PCDHA8: variants seen among roughly 807,000 people sequenced by gnomAD.
PCDHA8 encodes protocadherin alpha 8, also known as protocadherin alpha-8.
A neutral mutation model predicts 61.8 loss-of-function variants in PCDHA8; 53 were observed. The observed-to-expected ratio is 0.86, with a 90% CI of 0.69 to 1.08. PCDHA8 has a LOEUF of 1.08. Ranked by LOEUF, PCDHA8 falls within the 50% of genes least tolerant of loss-of-function variation. The probability of loss-of-function intolerance (pLI) is 0.00; values close to 1 mark genes in which losing one functional copy is unlikely to be tolerated. For synonymous variants in PCDHA8, 618 were observed against 556.6 expected (o/e 1.11, Z -1.55); for missense variants, 1,293 against 1,245.0 (o/e 1.04, Z -0.58).
At chr5:140,879,136 T>C (rs1225791251) in intron 1 of PCDHA8, among the ~76,000 whole-genome samples, 4 of 152,206 alleles carry the variant, frequency 2.6e-5, no homozygotes, top group Admixed American at 2.6e-4. Flanking sequence ...GGGGAGATTG[T>C]GAAGGCAGGA....
rs1554146072 is a variant in PCDHA8 at position 140,852,730 on chromosome 5, T to G, written c.2394+9015T>G. On this transcript the variant is annotated intron_variant, in intron 1 of 3. Coordinates refer to ENST00000531613, the MANE Select transcript of PCDHA8 (RefSeq NM_018911.3). ...TTTGTCTTTGCACGTTTTTCAAGTT[T>G]CATGTGCCATTTAAACTTGGACCCA... 29 of 983,856 alleles carry G rather than the reference T, an allele frequency of 2.9e-5. 3 individuals carry two copies. The highest frequency in any genetic ancestry group is 3.6e-5 in the Non-Finnish European group (29 of 816,252). The allele number at this position is 983,856 out of a possible 1,614,324, so 60.9% of individuals were successfully genotyped here.
Position 140,883,846 on chromosome 5 carries a change from G to A in PCDHA8, c.2394+40131G>A, listed in dbSNP as rs782516685. On this transcript the variant is annotated intron_variant, in intron 1 of 3. Coordinates refer to ENST00000531613, the MANE Select transcript of PCDHA8 (RefSeq NM_018911.3). ...ACGCGCTGCAGCCGTTGGACCACGA[G>A]GAGCTGGAGCTGTTGCAGTTCCAGG... is the stretch of plus-strand genomic sequence containing the variant. The A allele has an allele frequency of 6.8e-6, 11 of 1,612,790 alleles. 1 individual carries two copies. In the Admixed American group the frequency reaches 1.7e-4, roughly 24 times the overall value.
intron 1 of PCDHA8, among the ~76,000 whole-genome samples, chr5:140,908,387 T>A (rs536105622): frequency 1.3e-5 from 2 of 152,230 alleles, no homozygotes; most frequent in Admixed American, 1.3e-4. Flanking sequence ...TCGAGCCCGA[T>A]CACATATATA....
At chr5:140,892,998 AT>A (rs2063775886) in intron 1 of PCDHA8, among the ~76,000 whole-genome samples, 1 of 152,170 alleles carries the variant, frequency 6.6e-6, no homozygotes, top group South Asian at 2.1e-4. Context: ...GAGAACATGT[AT>A]TTATTTTTCT....
At chr5:140,905,360 T>C (rs2071771480) in intron 1 of PCDHA8, among the ~76,000 whole-genome samples, 2 of 152,238 alleles carry the variant, frequency 1.3e-5, no homozygotes, top group Non-Finnish European at 2.9e-5. Context: ...TTTGACTATA[T>C]TTCTGGTTCT....
chr5:140,907,864 G>A (rs1033952784), intron 1 of PCDHA8, among the ~76,000 whole-genome samples: 3 of 152,202 alleles, frequency 2.0e-5, no homozygotes, highest in African/African-American at 7.2e-5. Context: ...GAGGCCAGCC[G>A]TTGGTGAGCA....
At position 140,856,500 on chromosome 5, in the gene PCDHA8, T is replaced by G. The variant is rs371158035; in HGVS notation, c.2394+12785T>G. 1.4e-5 allele frequency: 22 copies of G among 1,598,280 alleles called. 1 individual carries two copies. The African/African-American group carries it at 3.0e-4, about 22-fold the overall frequency. ...GAATCCAGACTGCTTGACTCTCGAT[T>G]TCCACTAGAAGGCGCATCTGATGCG... On this transcript the variant is annotated intron_variant, in intron 1 of 3. Transcript: ENST00000531613.
At chr5:140,857,293 G>A (rs1554149807) in intron 1 of PCDHA8, 1 of 1,598,774 alleles carries the variant, frequency 6.3e-7, no homozygotes, top group Admixed American at 1.7e-5. Flanking sequence ...TGGACCGCGA[G>A]AGGGTGTCGG....
intron 1 of PCDHA8, chr5:140,861,823 G>A (rs2047101556): frequency 1.3e-5 from 2 of 159,302 alleles, no homozygotes; most frequent in Non-Finnish European, 2.7e-5. Flanking sequence ...TTTCAGATAG[G>A]TAAGTCACTT....
chr5:140,946,219 G>T (rs2093905754), intron 1 of PCDHA8, among the ~76,000 whole-genome samples: 1 of 151,856 alleles, frequency 6.6e-6, no homozygotes, highest in African/African-American at 2.4e-5. Context: ...TGACCAACAG[G>T]TATACTAAAA....
chr5:140,982,708 C>G (rs550422492), intron 3 of PCDHA8, 145 bp downstream of exon 3: 1 of 1,373,770 alleles, frequency 7.3e-7, no homozygotes, highest in African/African-American at 1.5e-5. Flanking sequence ...GATTTCCTTA[C>G]ATATATGATT....
chr5:140,852,882 C>A (rs1562485802), intron 1 of PCDHA8: 2 of 936,178 alleles, frequency 2.1e-6, no homozygotes, highest in South Asian at 4.9e-5. Flanking sequence ...AATCATAAAA[C>A]GTATTTTTTT....
chr5:140,884,092 G>A (rs1443036011), intron 1 of PCDHA8: 17 of 1,613,438 alleles, frequency 1.1e-5, no homozygotes, highest in Non-Finnish European at 1.4e-5. Flanking sequence ...CGTGGCTTTC[G>A]TATGAATTGC....
In PCDHA8 at chr5:140,920,607, A is replaced by G. The variant is rs185483487; in HGVS notation, c.2395-58342A>G. Among the ~76,000 whole-genome samples the G allele has an allele frequency of 8.0e-3, 1,215 of 152,266 alleles. 5 individuals are homozygous for G. Among genetic ancestry groups the G allele is most frequent in the African/African-American group, 0.019 (784 of 41,544 alleles). On this transcript the variant is annotated intron_variant, in intron 1 of 3. Coordinates refer to ENST00000531613, the MANE Select transcript of PCDHA8 (RefSeq NM_018911.3). ...ACGCCTGTAATCCCAGCACTTTGGG[A>G]GGCCGAGGCGGATGGATCACAAGGT...
chr5:140,899,225 A>C (rs1479429839), intron 1 of PCDHA8, among the ~76,000 whole-genome samples: 1 of 152,038 alleles, frequency 6.6e-6, no homozygotes, highest in African/African-American at 2.4e-5. Context: ...TTCCAACACT[A>C]TGTTGAATAG....
At chr5:140,858,625 T>A (rs2045528405) in intron 1 of PCDHA8, 1 of 1,095,156 alleles carries the variant, frequency 9.1e-7, no homozygotes, top group South Asian at 1.7e-5. Flanking sequence ...CTACCCAGTG[T>A]GTCAGCCTTT....
intron 1 of PCDHA8, among the ~76,000 whole-genome samples, chr5:140,896,197 T>G (rs911999135): frequency 2.0e-5 from 3 of 152,280 alleles, no homozygotes; most frequent in Non-Finnish European, 2.9e-5. Flanking sequence ...AGTGCCATGA[T>G]GAACATACAC....
chr5:140,971,067 G>A (rs1270982335), intron 1 of PCDHA8, among the ~76,000 whole-genome samples: 1 of 152,204 alleles, frequency 6.6e-6, no homozygotes, highest in Non-Finnish European at 1.5e-5. Flanking sequence ...TAAGGTTGCT[G>A]TAGACATTTG....
chr5:140,923,275 CA>C (rs1328074482), intron 1 of PCDHA8, among the ~76,000 whole-genome samples: 2 of 152,128 alleles, frequency 1.3e-5, no homozygotes, highest in Admixed American at 1.3e-4. Context: ...CTTGTCTCTA[CA>C]AAAAATTAAA....
Sources: allele counts gnomAD v4.1 joint callset (sites outside exome capture counted in the v4.1 genomes callset), GRCh38; gene constraint gnomAD v4.1.1; transcripts MANE v1.5; gene names NCBI Gene and HGNC (gene_info 2026-07-23, HGNC 2026-07-21).